The following GRM5 variants were observed in gnomAD, a reference collection of about 807,000 sequenced individuals.
GRM5 encodes the protein glutamate metabotropic receptor 5.
A neutral mutation model predicts 83.1 loss-of-function variants in GRM5; 19 were observed. The observed-to-expected ratio is 0.23, with a 90% CI of 0.16 to 0.34. The LOEUF (loss-of-function observed/expected upper bound fraction) is 0.34. Ranked by LOEUF, GRM5 falls within the 10% of genes least tolerant of loss-of-function variation. The pLI is 1.00. For missense variants in GRM5, 1,160 were observed against 1,588.3 expected (o/e 0.73, Z 4.58); for synonymous variants, 675 against 633.6 (o/e 1.07, Z -0.98).
intron 3 of GRM5, among the ~76,000 whole-genome samples, chr11:88,695,428 G>T (rs1052414491): frequency 6.6e-5 from 10 of 152,094 alleles, no homozygotes; most frequent in Non-Finnish European, 1.5e-4. Flanking sequence ...CTCACACAAA[G>T]GTACATTTCT....
At chr11:88,697,367 C>T (rs1109101) in intron 3 of GRM5, among the ~76,000 whole-genome samples, 35,248 of 152,040 alleles carry the variant, frequency 0.23, 6,152 homozygotes, top group African/African-American at 0.49. Flanking sequence ...GTATGGGTTC[C>T]CAGAGGACCA....
chr11:88,686,531 C>T (rs1940625640), intron 3 of GRM5, among the ~76,000 whole-genome samples: 2 of 151,984 alleles, frequency 1.3e-5, no homozygotes, highest in South Asian at 4.2e-4. Context: ...TTTGGAGGGG[C>T]CAGGGGCAGA....
At chr11:88,913,913 C>T (rs530325673) in intron 2 of GRM5, among the ~76,000 whole-genome samples, 2 of 152,230 alleles carry the variant, frequency 1.3e-5, no homozygotes, top group South Asian at 4.1e-4. Flanking sequence ...TCACACAATA[C>T]TGTTTTCTCT....
intron 4 of GRM5, among the ~76,000 whole-genome samples, chr11:88,649,930 T>C (rs1939587337): frequency 6.6e-6 from 1 of 151,786 alleles, no homozygotes; most frequent in Admixed American, 6.6e-5. Flanking sequence ...CATAACACAG[T>C]CCTGTGGTAT....
intron 2 of GRM5, among the ~76,000 whole-genome samples, chr11:88,911,344 A>G (rs1945494796): frequency 6.6e-6 from 1 of 152,102 alleles, no homozygotes; most frequent in African/African-American, 2.4e-5. Flanking sequence ...ATCATTTTCT[A>G]TTTATTCATC....
chr11:88,953,179 T>G (rs777736103), intron 2 of GRM5, among the ~76,000 whole-genome samples: 3 of 152,226 alleles, frequency 2.0e-5, no homozygotes, highest in African/African-American at 7.2e-5. Context: ...TCGTGTTTAT[T>G]GTTTGCGGAT....
chr11:88,561,660 G>C (rs1942757939), intron 8 of GRM5, among the ~76,000 whole-genome samples: 3 of 152,088 alleles, frequency 2.0e-5, no homozygotes, highest in Non-Finnish European at 4.4e-5. Flanking sequence ...ATTTGATGCT[G>C]CACCATGTTG....
chr11:88,648,939 G>GTAGA (rs1565170840), intron 4 of GRM5, among the ~76,000 whole-genome samples: 1,288 of 150,710 alleles, frequency 8.5e-3, no homozygotes, highest in African/African-American at 0.03. Context: ...TTTTTAAACT[G>GTAGA]ATGCAATTCT....
At chr11:89,025,018 G>C (rs1349559785) in intron 2 of GRM5, among the ~76,000 whole-genome samples, 1 of 152,158 alleles carries the variant, frequency 6.6e-6, no homozygotes, top group African/African-American at 2.4e-5. Flanking sequence ...TACAATGTTA[G>C]TTAGCAGGAG....
chr11:88,695,506 T>A (rs1259453963), intron 3 of GRM5, among the ~76,000 whole-genome samples: 2 of 152,212 alleles, frequency 1.3e-5, no homozygotes, highest in African/African-American at 4.8e-5. Flanking sequence ...TAACTATGAC[T>A]TTTTTGACTA....
At chr11:89,020,121 T>C (rs1293829277) in intron 2 of GRM5, among the ~76,000 whole-genome samples, 2 of 152,194 alleles carry the variant, frequency 1.3e-5, no homozygotes, top group African/African-American at 4.8e-5. Flanking sequence ...GAATATACCT[T>C]ATCTAATTTA....
chr11:88,927,190 T>A (rs1945804614), intron 2 of GRM5, among the ~76,000 whole-genome samples: 1 of 152,050 alleles, frequency 6.6e-6, no homozygotes, highest in African/African-American at 2.4e-5. Flanking sequence ...AGGAAGTCAA[T>A]ATAGTTCAGG....
chr11:88,661,121 T>C (rs995811217), intron 3 of GRM5, among the ~76,000 whole-genome samples: 1 of 152,212 alleles, frequency 6.6e-6, no homozygotes, highest in African/African-American at 2.4e-5. Flanking sequence ...GATAGCTACA[T>C]TTATTTTTGC....
intron 3 of GRM5, among the ~76,000 whole-genome samples, chr11:88,675,836 C>A (rs575760021): frequency 1.3e-5 from 2 of 152,072 alleles, no homozygotes; most frequent in Non-Finnish European, 2.9e-5. Context: ...CAGCAACAAG[C>A]AAGAATTGGG....
intron 3 of GRM5, among the ~76,000 whole-genome samples, chr11:88,658,400 T>A (rs1041626982): frequency 1.3e-5 from 2 of 152,122 alleles, no homozygotes; most frequent in African/African-American, 4.8e-5. Context: ...GGGACAGGCA[T>A]CCATGGTTTT....
intron 8 of GRM5, among the ~76,000 whole-genome samples, chr11:88,565,148 TAGAGAGGTTAAGTGA>T (rs1942848262): frequency 6.6e-6 from 1 of 152,184 alleles, no homozygotes; most frequent in Non-Finnish European, 1.5e-5. Context: ...AATCAAAGCA[TAGAGAGGTTAAGTGA>T]ATTTGCCTAA....
chr11:88,509,120 G>A lies in GRM5; in HGVS notation c.3111C>T (p.Asp1037=), dbSNP rs1370732529. The A allele has an allele frequency of 3.2e-6, 5 of 1,544,814 alleles. No homozygotes were observed. The highest frequency in any genetic ancestry group is 2.4e-5 in the South Asian group (2 of 83,870). The stretch of plus-strand genomic sequence containing the variant: ...GCTCCGAGTGCAGCGACGGCACATC[G>A]TCGTCCGTGCGGCTGGCCGAGCCCG... ...HRAGSASRTD[D]DVPSLHSEPV... The change falls in exon 10 of 10, where the codon GAC becomes GAT. Residue 1037 remains aspartate, a synonymous_variant. Transcript: ENST00000305447.
chr11:88,793,758 A>G (rs1943222273), intron 3 of GRM5, among the ~76,000 whole-genome samples: 1 of 152,180 alleles, frequency 6.6e-6, no homozygotes. Context: ...AGTAAGAAAG[A>G]AGGATCTGAA....
intron 8 of GRM5, among the ~76,000 whole-genome samples, chr11:88,564,984 G>T (rs1297059987): frequency 1.3e-5 from 2 of 152,112 alleles, no homozygotes; most frequent in Non-Finnish European, 2.9e-5. Context: ...ATGAGTAAAA[G>T]AAGACTGACA....
Sources: allele counts gnomAD v4.1 joint callset (sites outside exome capture counted in the v4.1 genomes callset), GRCh38; gene constraint gnomAD v4.1.1; transcripts MANE v1.5; gene names NCBI Gene and HGNC (gene_info 2026-07-23, HGNC 2026-07-21).